The following SLC35F4 variants were observed in gnomAD, a reference collection of about 807,000 sequenced individuals.
SLC35F4 encodes the protein chromosome 14 open reading frame 36.
A neutral mutation model predicts 44.2 loss-of-function variants in SLC35F4; 24 were observed. That is an observed-to-expected ratio of 0.54 (90% CI 0.39 to 0.76). The LOEUF is 0.76. Among genes scored for constraint, SLC35F4 ranks in the 30% least tolerant of loss-of-function variants. The pLI, the probability that SLC35F4 is intolerant of heterozygous loss-of-function variation, is 0.00. For missense variants in SLC35F4, 562 were observed against 586.1 expected (o/e 0.96, Z 0.42); for synonymous variants, 238 against 223.6 (o/e 1.06, Z -0.57).
At chr14:57,635,167 G>A (rs1039251968) in intron 1 of SLC35F4, among the ~76,000 whole-genome samples, 1 of 151,218 alleles carries the variant, frequency 6.6e-6, no homozygotes, top group African/African-American at 2.4e-5. Context: ...GATTGCTTGA[G>A]CTCAGAAGTT....
chr14:57,714,357 A>C (rs894690285), intron 1 of SLC35F4, among the ~76,000 whole-genome samples: 10 of 152,178 alleles, frequency 6.6e-5, no homozygotes, highest in Non-Finnish European at 1.0e-4. Flanking sequence ...CACTCTTTTG[A>C]GATGTTCTAC....
At chr14:57,834,741 C>T (rs1329247894) in intron 1 of SLC35F4, among the ~76,000 whole-genome samples, 3 of 152,158 alleles carry the variant, frequency 2.0e-5, no homozygotes, top group African/African-American at 4.8e-5. Flanking sequence ...CAAAATAGGC[C>T]GGGCACAGTG....
intron 1 of SLC35F4, among the ~76,000 whole-genome samples, chr14:57,941,273 G>T (rs78309890): frequency 0.081 from 12,269 of 152,204 alleles, 622 homozygotes; most frequent in Middle Eastern, 0.13. Flanking sequence ...AATAGCCAAA[G>T]ATGGAAAAAT....
At chr14:57,861,726 C>T (rs1595242310) in intron 1 of SLC35F4, among the ~76,000 whole-genome samples, 1 of 152,286 alleles carries the variant, frequency 6.6e-6, no homozygotes, top group Non-Finnish European at 1.5e-5. Context: ...CTAAACTCTT[C>T]CCCTTCAAAC....
rs139530916 is a variant in SLC35F4 at position 57,916,009 on chromosome 14, C to T, written n.282+65904G>A. Among the ~76,000 whole-genome samples the T allele has an allele frequency of 2.2e-4, 33 of 152,180 alleles. No individual in the cohort carries two copies. The East Asian group carries it at 5.2e-3, about 24-fold the overall frequency. Reference sequence around the variant, plus strand: ...CTTCTTGTTATCAATTGTTTTAGTTCGTTTTCTGTTGCTATAATAGACTAT... The same window carrying T: ...CTTCTTGTTATCAATTGTTTTAGTTTGTTTTCTGTTGCTATAATAGACTAT... On this transcript the variant is annotated intron_variant and non_coding_transcript_variant, in intron 1 of 1. Coordinates refer to the SLC35F4 transcript ENST00000556568.
chr14:57,775,383 CACCAGCCATTGGAGTCTTGGA>C (rs1263277788), intron 1 of SLC35F4, among the ~76,000 whole-genome samples: 4 of 152,366 alleles, frequency 2.6e-5, no homozygotes, highest in Non-Finnish European at 5.9e-5. Context: ...TTTTGGCTGG[CACCAGCCATTGGAGTCTTGGA>C]ACCAGTGGTC....
chr14:57,565,009 C>T (rs1156603772), intron 7 of SLC35F4, among the ~76,000 whole-genome samples: 3 of 152,168 alleles, frequency 2.0e-5, no homozygotes, highest in East Asian at 1.9e-4. Context: ...TGTGTTCTTT[C>T]GTGACTGGCT....
intron 1 of SLC35F4, among the ~76,000 whole-genome samples, chr14:57,765,367 C>T (rs562061158): frequency 6.6e-6 from 1 of 152,182 alleles, no homozygotes; most frequent in African/African-American, 2.4e-5. Flanking sequence ...AGATAAAGAT[C>T]CCCTCTCTAC....
intron 1 of SLC35F4, among the ~76,000 whole-genome samples, chr14:57,775,884 C>T (rs1465409301): frequency 6.6e-6 from 1 of 152,134 alleles, no homozygotes; most frequent in African/African-American, 2.4e-5. Context: ...GAAACCCAAT[C>T]TAAGGAAGCT....
intron 1 of SLC35F4, among the ~76,000 whole-genome samples, chr14:57,967,372 T>C (rs956121944): frequency 1.3e-5 from 2 of 152,218 alleles, no homozygotes; most frequent in African/African-American, 4.8e-5. Context: ...TGATTGCAGT[T>C]TGTAATATAT....
chr14:57,949,606 AT>A (rs1299790328), intron 1 of SLC35F4, among the ~76,000 whole-genome samples: 2 of 151,856 alleles, frequency 1.3e-5, no homozygotes, highest in African/African-American at 4.8e-5. Flanking sequence ...TCATTGTGTT[AT>A]TGTTTTATAG....
At chr14:57,971,047 C>G (rs1881039784) in intron 1 of SLC35F4, among the ~76,000 whole-genome samples, 1 of 152,142 alleles carries the variant, frequency 6.6e-6, no homozygotes, top group African/African-American at 2.4e-5. Flanking sequence ...AATGAGTTGC[C>G]AAATTAATGG....
At position 57,637,298 on chromosome 14, in the gene SLC35F4, A is replaced by C. The variant is rs143936547; in HGVS notation, c.104-43174T>G. Reference sequence around the variant, plus strand: ...TGACAATAATAACAGCTGAAGTAGAATCTTACAATTGAACTCCTCCTCCTT... The same window carrying C: ...TGACAATAATAACAGCTGAAGTAGACTCTTACAATTGAACTCCTCCTCCTT... On this transcript the variant is annotated intron_variant, in intron 1 of 7. Transcript: ENST00000556826. 5.2e-3 allele frequency among the ~76,000 whole-genome samples: 796 copies of C among 152,228 alleles called. 5 individuals are homozygous for C. Among genetic ancestry groups the C allele is most frequent in the African/African-American group, 0.018 (737 of 41,570 alleles).
At chr14:57,792,019 G>A (rs551987949) in intron 1 of SLC35F4, among the ~76,000 whole-genome samples, 3 of 151,972 alleles carry the variant, frequency 2.0e-5, no homozygotes, top group Admixed American at 6.6e-5. Flanking sequence ...TGTAAATGAC[G>A]GGTTGATGGG....
chr14:57,723,197 A>G (rs978902565), intron 1 of SLC35F4, among the ~76,000 whole-genome samples: 3 of 152,114 alleles, frequency 2.0e-5, no homozygotes, highest in African/African-American at 7.2e-5. Flanking sequence ...GGGTCCCCAG[A>G]CTCATCCTGT....
intron 1 of SLC35F4, among the ~76,000 whole-genome samples, chr14:57,850,291 C>T (rs540574656): frequency 1.3e-5 from 2 of 152,322 alleles, no homozygotes; most frequent in East Asian, 1.9e-4. Flanking sequence ...CTGCCTTACA[C>T]ATCAGCATGT....
intron 1 of SLC35F4, among the ~76,000 whole-genome samples, chr14:57,676,966 GT>G (rs1208032094): frequency 1.3e-5 from 2 of 152,046 alleles, no homozygotes; most frequent in Non-Finnish European, 2.9e-5. Context: ...GCACACACAT[GT>G]TTATAGCAGT....
At chr14:57,851,386 T>A (rs1886548527) in intron 1 of SLC35F4, among the ~76,000 whole-genome samples, 1 of 152,168 alleles carries the variant, frequency 6.6e-6, no homozygotes, top group Admixed American at 6.5e-5. Flanking sequence ...TATATGTGCA[T>A]TTGGGGGATA....
chr14:57,703,841 A>G (rs1353085692), intron 1 of SLC35F4, among the ~76,000 whole-genome samples: 6 of 152,184 alleles, frequency 3.9e-5, no homozygotes, highest in Admixed American at 3.9e-4. Flanking sequence ...ATACTTTATC[A>G]GCTTGAAAAC....
Sources: gnomAD v4.1 joint callset for allele counts (sites outside exome capture counted in the v4.1 genomes callset) on GRCh38, gnomAD v4.1.1 for gene constraint, MANE v1.5 for transcripts, NCBI Gene and HGNC (gene_info 2026-07-23, HGNC 2026-07-21) for gene names.